Variants in ANKS1B observed in about 807,000 individuals in gnomAD.
ANKS1B encodes the protein ankyrin repeat and sterile alpha motif domain-containing protein 1B.
A neutral mutation model predicts 148.3 loss-of-function variants in ANKS1B; 36 were observed. The ratio of observed to expected loss-of-function variants is 0.24; its 90% CI spans 0.19 to 0.32. The LOEUF (loss-of-function observed/expected upper bound fraction) is 0.32. Ranked by LOEUF, ANKS1B falls within the 10% of genes least tolerant of loss-of-function variation. The probability of loss-of-function intolerance (pLI) is 1.00; values close to 1 mark genes in which losing one functional copy is unlikely to be tolerated. For missense variants in ANKS1B, 1,157 were observed against 1,542.6 expected (o/e 0.75, Z 4.19); for synonymous variants, 542 against 560.8 (o/e 0.97, Z 0.47).
chr12:99,655,098 C>T lies in ANKS1B; in HGVS notation c.1241G>A (p.Cys414Tyr). Residue 414 changes from cysteine to tyrosine, a missense_variant, in exon 9 of 27, where the codon TGT becomes TAT. This residue lies in a region of ANKS1B where 661 missense variants were observed against 642.1 expected (regional missense o/e 1.03). Coordinates refer to ENST00000683438, the MANE Select transcript of ANKS1B (RefSeq NM_001352186.2). The part of the protein sequence containing the change: ...LWEALTPCNG[C>Y]RNLGFPMLAQ... ...AAGCATGGGGAAGCCAAGGTTCCTA[C>T]ATCCATTACACGGAGTTAATGCTTC... 1 of 1,608,536 alleles carries T rather than the reference C, an allele frequency of 6.2e-7. No homozygotes were observed. The highest frequency in any genetic ancestry group is 8.5e-7 in the Non-Finnish European group (1 of 1,176,478).
chr12:99,039,843 C>A (rs1045723159), intron 17 of ANKS1B, among the ~76,000 whole-genome samples: 1 of 152,214 alleles, frequency 6.6e-6, no homozygotes, highest in African/African-American at 2.4e-5. Context: ...TTTTCCCCTT[C>A]TCTATATTCA....
intron 11 of ANKS1B, among the ~76,000 whole-genome samples, chr12:99,439,554 T>C (rs1349715077): frequency 6.6e-6 from 1 of 151,414 alleles, no homozygotes; most frequent in African/African-American, 2.4e-5. Flanking sequence ...CAGAAAAAGG[T>C]AGTCATGATC....
At chr12:99,669,855 C>T (rs2098528185) in intron 8 of ANKS1B, among the ~76,000 whole-genome samples, 1 of 152,044 alleles carries the variant, frequency 6.6e-6, no homozygotes, top group Non-Finnish European at 1.5e-5. Flanking sequence ...ATTACTTGAC[C>T]CTGTTTCTGT....
intron 1 of ANKS1B, among the ~76,000 whole-genome samples, chr12:99,887,453 A>G (rs912610557): frequency 2.6e-5 from 4 of 152,218 alleles, no homozygotes; most frequent in African/African-American, 7.2e-5. Context: ...TGTAGTTACT[A>G]CAGATTTTTA....
At chr12:99,945,743 A>T (rs1031266376) in intron 1 of ANKS1B, among the ~76,000 whole-genome samples, 8 of 152,168 alleles carry the variant, frequency 5.3e-5, no homozygotes, top group African/African-American at 1.9e-4. Flanking sequence ...CTGAGCAGAA[A>T]GTTCTCTAGC....
intron 11 of ANKS1B, among the ~76,000 whole-genome samples, chr12:99,438,460 C>T (rs1007100576): frequency 1.3e-5 from 2 of 151,802 alleles, no homozygotes; most frequent in East Asian, 3.9e-4. Context: ...CAAAACCAAA[C>T]TTATCATGTC....
intron 1 of ANKS1B, among the ~76,000 whole-genome samples, chr12:99,896,386 C>A (rs2093386767): frequency 6.6e-6 from 1 of 150,614 alleles, no homozygotes; most frequent in Non-Finnish European, 1.5e-5. Context: ...CACTTAGTAT[C>A]ATGTCCTCTA....
At chr12:99,630,187 T>A (rs1320235353) in intron 9 of ANKS1B, among the ~76,000 whole-genome samples, 1 of 152,100 alleles carries the variant, frequency 6.6e-6, no homozygotes, top group Non-Finnish European at 1.5e-5. Context: ...AATACAGAAT[T>A]TGTTCCTAAT....
chr12:99,545,415 C>A (rs1229205113), intron 9 of ANKS1B, among the ~76,000 whole-genome samples: 1 of 152,074 alleles, frequency 6.6e-6, no homozygotes, highest in Non-Finnish European at 1.5e-5. Flanking sequence ...CGAAGCAAAA[C>A]ATAGACAATA....
chr12:98,849,718 T>C (rs1412363622), intron 17 of ANKS1B, among the ~76,000 whole-genome samples: 1 of 152,220 alleles, frequency 6.6e-6, no homozygotes, highest in East Asian at 1.9e-4. Context: ...GCAAAATCTC[T>C]AGTCAAGTAG....
In ANKS1B at chr12:98,744,612, A is replaced by T; in HGVS notation, c.*1127T>A. On this transcript the variant is annotated 3_prime_UTR_variant, in exon 27 of 27. Transcript: ENST00000683438. ...AAAGAAATGTAAGTAAATTTTATTTAATCAAATAGTAAGCAAACTTTTTTT... is the reference window on the plus strand; with the variant it reads ...AAAGAAATGTAAGTAAATTTTATTTTATCAAATAGTAAGCAAACTTTTTTT... 1 of 765,402 alleles carries T rather than the reference A, an allele frequency of 1.3e-6. No individual in the cohort carries two copies. The highest frequency in any genetic ancestry group is 1.6e-6 in the Non-Finnish European group (1 of 629,212). 47.4% of individuals were successfully genotyped at this position (765,402 alleles called of 1,614,324 possible). A position where few individuals can be genotyped will look rare whatever the true frequency, so the allele number is the denominator to read the frequency against.
chr12:99,965,852 C>A (rs923223392), intron 1 of ANKS1B, among the ~76,000 whole-genome samples: 3 of 152,170 alleles, frequency 2.0e-5, no homozygotes, highest in African/African-American at 7.2e-5. Context: ...GCAGAGCTTG[C>A]AGTGAGCCAA....
intron 12 of ANKS1B, among the ~76,000 whole-genome samples, chr12:99,348,102 G>T (rs2090967441): frequency 6.6e-6 from 1 of 151,772 alleles, no homozygotes; most frequent in African/African-American, 2.4e-5. Flanking sequence ...TAGAAAAAAA[G>T]AATAGAAAAC....
chr12:98,819,951 G>C (rs1566864924), intron 19 of ANKS1B, among the ~76,000 whole-genome samples: 1 of 152,124 alleles, frequency 6.6e-6, no homozygotes, highest in Non-Finnish European at 1.5e-5. Context: ...TACTATCTCT[G>C]ATTTGTAAAG....
chr12:99,273,648 C>A (rs7961452), intron 12 of ANKS1B, among the ~76,000 whole-genome samples: 12,490 of 144,442 alleles, frequency 0.086, 1,187 homozygotes, highest in African/African-American at 0.25. Context: ...ACAATCTCGG[C>A]TCACTGGAAC....
intron 14 of ANKS1B, among the ~76,000 whole-genome samples, chr12:99,205,377 G>A (rs1163677631): frequency 6.6e-6 from 1 of 152,120 alleles, no homozygotes; most frequent in African/African-American, 2.4e-5. Flanking sequence ...TAGAGAATGA[G>A]GTACTGCCTG....
chr12:99,017,152 G>C (rs900228047), intron 17 of ANKS1B, among the ~76,000 whole-genome samples: 4 of 152,168 alleles, frequency 2.6e-5, no homozygotes, highest in African/African-American at 9.7e-5. Flanking sequence ...ATTACACAAA[G>C]AGAAATCTAA....
chr12:98,747,047 G>T (rs1221255480), intron 26 of ANKS1B, among the ~76,000 whole-genome samples: 1 of 152,260 alleles, frequency 6.6e-6, no homozygotes, highest in East Asian at 1.9e-4. Flanking sequence ...CACAGGCAAC[G>T]AAAGCAGAAA....
At chr12:99,641,382 T>C (rs1228218172) in intron 9 of ANKS1B, among the ~76,000 whole-genome samples, 1 of 152,170 alleles carries the variant, frequency 6.6e-6, no homozygotes, top group Non-Finnish European at 1.5e-5. Context: ...AACTAAATTA[T>C]AAAGTTTCTC....
Sources: allele counts gnomAD v4.1 joint callset (sites outside exome capture counted in the v4.1 genomes callset), GRCh38; gene constraint gnomAD v4.1.1; regional missense constraint gnomAD v4.1.1; transcripts MANE v1.5; gene names NCBI Gene and HGNC (gene_info 2026-07-23, HGNC 2026-07-21).